Variants in KIF20B observed in about 807,000 individuals in gnomAD.
KIF20B encodes the protein kinesin-like protein KIF20B.
KIF20B carries 188 observed loss-of-function variants against 232.5 expected under a neutral mutation model. The observed-to-expected ratio is 0.81, with a 90% confidence interval of 0.72 to 0.91. The LOEUF is 0.91. Among genes scored for constraint, KIF20B ranks in the 40% least tolerant of loss-of-function variants. The probability of loss-of-function intolerance (pLI) is 0.00; values close to 1 mark genes in which losing one functional copy is unlikely to be tolerated. For synonymous variants in KIF20B, 712 were observed against 683.0 expected (o/e 1.04, Z -0.66); for missense variants, 2,154 against 2,055.9 (o/e 1.05, Z -0.92).
At chr10:89,727,455 C>T (rs1843215314) in intron 16 of KIF20B, among the ~76,000 whole-genome samples, 1 of 152,118 alleles carries the variant, frequency 6.6e-6, no homozygotes, top group African/African-American at 2.4e-5. Context: ...TTTGTAATAT[C>T]TGCATTTTAA....
chr10:89,712,901 A>G (rs764897886), intron 6 of KIF20B, among the ~76,000 whole-genome samples: 1 of 152,194 alleles, frequency 6.6e-6, no homozygotes, highest in African/African-American at 2.4e-5. Flanking sequence ...TAAAACATTT[A>G]GAAACCAGGG....
chr10:89,736,435 T>C (rs1841653930), intron 19 of KIF20B, among the ~76,000 whole-genome samples: 7 of 152,310 alleles, frequency 4.6e-5, no homozygotes, highest in Admixed American at 3.3e-4. Flanking sequence ...AGTGAACTTA[T>C]GAATTAAATT....
intron 4 of KIF20B, 82 bp downstream of exon 4, chr10:89,709,543 T>C (rs1454621917): frequency 1.2e-6 from 1 of 864,216 alleles, no homozygotes; most frequent in Non-Finnish European, 1.9e-6. Context: ...TTGTATATAA[T>C]GAACTATACA....
At chr10:89,747,056 T>C (rs903879007) in intron 23 of KIF20B, among the ~76,000 whole-genome samples, 1 of 152,204 alleles carries the variant, frequency 6.6e-6, no homozygotes, top group Non-Finnish European at 1.5e-5. Flanking sequence ...AAATAAAATA[T>C]CTTTAAAATT....
chr10:89,765,752 C>A lies in KIF20B; in HGVS notation c.4990-2538C>A, dbSNP rs187825254. ...TCTGTTAAGTATTTTATTTCTCCTT[C>A]ACTTATGAAGCTTAGTTTGGCTGGA... is the stretch of plus-strand genomic sequence containing the variant. On this transcript the variant is annotated intron_variant, in intron 29 of 32. Coordinates refer to ENST00000371728, the MANE Select transcript of KIF20B (RefSeq NM_001284259.2). 2.6e-4 allele frequency among the ~76,000 whole-genome samples: 40 copies of A among 152,210 alleles called. No individual in the cohort carries two copies. The East Asian group carries it at 7.3e-3, about 28-fold the overall frequency.
intron 23 of KIF20B, 69 bp downstream of exon 23, chr10:89,746,028 G>A: frequency 1.8e-6 from 2 of 1,124,608 alleles, no homozygotes; most frequent in South Asian, 1.3e-5. Context: ...CATGCGATGG[G>A]GGTATGACTT....
chr10:89,733,271 TTTA>T (rs1212212364), intron 19 of KIF20B: 4 of 443,588 alleles, frequency 9.0e-6, no homozygotes, highest in African/African-American at 7.9e-5. Context: ...AAATTGTGCT[TTTA>T]TTATTTCTTT....
chr10:89,770,325 ATACATTTAAAAAAATATG>A (rs1842438430), intron 31 of KIF20B, among the ~76,000 whole-genome samples: 1 of 152,044 alleles, frequency 6.6e-6, no homozygotes, highest in African/African-American at 2.4e-5. Flanking sequence ...GTATATTTAC[ATACATTTAAAAAAATATG>A]TACATTTAAA....
chr10:89,719,817 T>C (rs1181859829), intron 13 of KIF20B, 111 bp downstream of exon 13: 1 of 833,854 alleles, frequency 1.2e-6, no homozygotes, highest in Non-Finnish European at 1.8e-6. Context: ...GAAGTTTTTG[T>C]GTTCAACTTT....
At chr10:89,728,003 G>C (rs1843227280) in intron 17 of KIF20B, 107 bp downstream of exon 17, 3 of 1,016,546 alleles carry the variant, frequency 3.0e-6, no homozygotes, top group Non-Finnish European at 4.1e-6. Context: ...CAGTAATATA[G>C]TCTCTTGGTA....
intron 26 of KIF20B, 79 bp from the exon 27 acceptor site, chr10:89,758,627 A>T: frequency 1.0e-6 from 1 of 956,652 alleles, no homozygotes; most frequent in Non-Finnish European, 1.5e-6. Flanking sequence ...TTATGGTGTT[A>T]CATATAATAA....
intron 28 of KIF20B, among the ~76,000 whole-genome samples, chr10:89,762,234 G>A (rs1023954813): frequency 1.3e-5 from 2 of 152,150 alleles, no homozygotes; most frequent in Non-Finnish European, 2.9e-5. Flanking sequence ...AAATAGAGGG[G>A]AATGAGAGAC....
intron 4 of KIF20B, among the ~76,000 whole-genome samples, 173 bp downstream of exon 4, chr10:89,709,634 C>T (rs1039500096): frequency 5.3e-5 from 8 of 151,838 alleles, no homozygotes; most frequent in African/African-American, 1.9e-4. Flanking sequence ...GTAAAGAGAT[C>T]ACTGTAGTGT....
chr10:89,734,269 G>A (rs1006324770), intron 19 of KIF20B, among the ~76,000 whole-genome samples: 1 of 152,084 alleles, frequency 6.6e-6, no homozygotes, highest in Non-Finnish European at 1.5e-5. Context: ...AAATTAGCCT[G>A]GTGTGGTGGT....
chr10:89,709,875 T>A (rs564911496), intron 4 of KIF20B, 52 bp from the exon 5 acceptor site: 1 of 1,477,400 alleles, frequency 6.8e-7, no homozygotes, highest in South Asian at 1.3e-5. Flanking sequence ...GAACACACTA[T>A]TAATATTAAC....
Position 89,719,572 on chromosome 10 carries a change from A to T in KIF20B, c.1588A>T (p.Met530Leu), listed in dbSNP as rs779240069. 210 of 1,613,534 alleles carry T rather than the reference A, an allele frequency of 1.3e-4. No homozygotes were observed. Among genetic ancestry groups the T allele is most frequent in the Non-Finnish European group, 1.8e-4 (208 of 1,179,736 alleles). ...ATGGGAAAATAGTCTAGAAGATTTGATGGAAGACGAGGATTTGGTTGAGGA... is the reference window on the plus strand; with the variant it reads ...ATGGGAAAATAGTCTAGAAGATTTGTTGGAAGACGAGGATTTGGTTGAGGA... ...ISWENSLEDL[M>L]EDEDLVEELE... Residue 530 changes from methionine to leucine, a missense_variant, in exon 13 of 33, where the codon ATG becomes TTG. Met to Leu is a conservative substitution (Grantham distance 15). Coordinates refer to ENST00000371728, the MANE Select transcript of KIF20B (RefSeq NM_001284259.2).
rs751615287 is a variant in KIF20B, at chr10:89,768,301, A to C, written c.5001A>C (p.Lys1667Asn). 12 of 1,554,008 alleles carry C rather than the reference A, an allele frequency of 7.7e-6. No individual in the cohort carries two copies. Among genetic ancestry groups the C allele is most frequent in the Admixed American group, 3.7e-5 (2 of 53,602 alleles). ...TTCATTATTTTTAGGACTTGGTGAA[A>C]TGTGAAAATAAGAAGAATGCTACAC... The part of the protein sequence containing the change: ...KSNEMEEDLV[K>N]CENKKNATPR... The change falls in exon 30 of 33, where the codon AAA becomes AAC. Residue 1667 changes from lysine (K) to asparagine (N), a missense_variant. Physicochemically the swap from Lys to Asn is moderately conservative, Grantham distance 94 (BLOSUM62 0). Coordinates refer to ENST00000371728, the MANE Select transcript of KIF20B (RefSeq NM_001284259.2).
At chr10:89,723,801 T>A (rs1589858889) in intron 13 of KIF20B, 163 bp from the exon 14 acceptor site, 1 of 643,434 alleles carries the variant, frequency 1.6e-6, no homozygotes. Context: ...AGTTAACAAA[T>A]CTTTGCAAAC....
At chr10:89,728,905 TTG>T (rs71022581) in intron 17 of KIF20B, among the ~76,000 whole-genome samples, 5,181 of 138,004 alleles carry the variant, frequency 0.038, 269 homozygotes, top group East Asian at 0.25. Context: ...TCTTTTTTCT[TTG>T]TGTGTGTGTG....
Sources: allele counts gnomAD v4.1 joint callset (sites outside exome capture counted in the v4.1 genomes callset), GRCh38; gene constraint gnomAD v4.1.1; transcripts MANE v1.5; gene names NCBI Gene and HGNC (gene_info 2026-07-23, HGNC 2026-07-21).